Variants in MMP19 observed in about 807,000 individuals in gnomAD.
MMP19 encodes matrix metalloproteinase-19.
In MMP19, 47 loss-of-function variants were observed where a neutral mutation model predicts 46.6. The ratio of observed to expected loss-of-function variants is 1.01; its 90% CI spans 0.80 to 1.29. The LOEUF is 1.29. Among genes scored for constraint, MMP19 ranks in the 50% most tolerant of loss-of-function variants. The probability of loss-of-function intolerance (pLI) is 0.00; values close to 1 mark genes in which losing one functional copy is unlikely to be tolerated. For synonymous variants in MMP19, 222 were observed against 248.5 expected, an observed-to-expected ratio of 0.89 and a Z score of 1.00; for missense variants, 589 against 643.5, an observed-to-expected ratio of 0.92 and a Z score of 0.92.
chr12:55,837,653 T>C lies in MMP19; in HGVS notation c.1090A>G (p.Lys364Glu). 1 of 1,614,172 alleles carries C rather than the reference T, an allele frequency of 6.2e-7. No homozygotes were observed. Among genetic ancestry groups the C allele is most frequent in the Non-Finnish European group, 8.5e-7 (1 of 1,180,044 alleles). Reference sequence around the variant, plus strand: ...TTCTTGGGGAAGCCAGGAGACATCTTGAAATTAATGTAGCGCCACACCTTG... The same window carrying C: ...TTCTTGGGGAAGCCAGGAGACATCTCGAAATTAATGTAGCGCCACACCTTG... ...GDKVWRYINFKMSPGFPKKLN... is the reference protein window; with the variant it reads ...GDKVWRYINFEMSPGFPKKLN... The change falls in exon 8 of 9, where the codon AAG becomes GAG. Residue 364 changes from lysine (K) to glutamate (E), a missense_variant. Coordinates refer to ENST00000322569, the MANE Select transcript of MMP19 (RefSeq NM_002429.6).
chr12:55,836,967 G>A lies in MMP19; in HGVS notation c.*69C>T, dbSNP rs1881260268. 2.2e-6 allele frequency: 3 copies of A among 1,378,516 alleles called. No homozygotes were observed. Among genetic ancestry groups the A allele is most frequent in the Non-Finnish European group, 2.0e-6 (2 of 1,013,026 alleles). 85.4% of individuals were successfully genotyped at this position (1,378,516 alleles called of 1,614,324 possible). A position where few individuals can be genotyped will look rare whatever the true frequency, so the allele number is the denominator to read the frequency against. On this transcript the variant is annotated 3_prime_UTR_variant, in exon 9 of 9. Transcript: ENST00000322569. Reference sequence around the variant, plus strand: ...AGCTATTAGGCCTTAGGCTTCTGGGGGGGAAATGAAAGGGTGGGTGGTGGA... The same window carrying A: ...AGCTATTAGGCCTTAGGCTTCTGGGAGGGAAATGAAAGGGTGGGTGGTGGA...
chr12:55,841,540 T>TTCCA (rs1881700608), intron 2 of MMP19: 1 of 261,798 alleles, frequency 3.8e-6, no homozygotes, highest in East Asian at 7.4e-5. Flanking sequence ...CCTTCCTTCC[T>TTCCA]TCCTTCCTTC....
Position 55,837,836 on chromosome 12 carries a change from TC to T in MMP19, c.1060+6del, listed in dbSNP as rs745479583. On this transcript the variant is annotated splice_donor_region_variant and intron_variant, in intron 7 of 8. Coordinates refer to ENST00000322569, the MANE Select transcript of MMP19 (RefSeq NM_002429.6). The stretch of plus-strand genomic sequence containing the variant: ...CTCAAGTAAGACACTGTAACTAGCC[TC>T]CTTACCCTTAAAGAAGTGAATCCAT... The T allele has an allele frequency of 4.6e-5, 74 of 1,600,408 alleles. No homozygotes were observed. The highest frequency in any genetic ancestry group is 4.5e-5 in the Non-Finnish European group (53 of 1,169,782).
intron 6 of MMP19, 120 bp downstream of exon 6, chr12:55,838,486 G>A (rs368279516): frequency 8.4e-5 from 135 of 1,603,468 alleles, no homozygotes; most frequent in Non-Finnish European, 1.1e-4. Flanking sequence ...GGTCATTAAT[G>A]CCTGGGGTCT....
rs1260064815 is a variant in MMP19, at chr12:55,841,240, A to T, written c.174-4T>A. ...TTCAGATGCTTCCTGAAAAGCTCTG[A>T]AGGAGGGAGAGGGATGGGTCTACCA... is the stretch of plus-strand genomic sequence containing the variant. On this transcript the variant is annotated splice_polypyrimidine_tract_variant and splice_region_variant and intron_variant, in intron 2 of 8. Coordinates refer to ENST00000322569, the MANE Select transcript of MMP19 (RefSeq NM_002429.6). 1 of 1,611,442 alleles carries T rather than the reference A, an allele frequency of 6.2e-7. No individual in the cohort carries two copies. The highest frequency in any genetic ancestry group is 1.7e-5 in the Admixed American group (1 of 60,004).
intron 7 of MMP19, 28 bp downstream of exon 7, chr12:55,837,815 A>G (rs779583775): frequency 1.3e-6 from 2 of 1,596,144 alleles, no homozygotes; most frequent in Admixed American, 3.4e-5. Context: ...GCCCTCCTCA[A>G]GTAAGACACT....
rs1881331962 is a variant in MMP19 at position 55,837,581 on chromosome 12, G to C, written c.1162C>G (p.Leu388Val). The C allele has an allele frequency of 3.7e-6, 6 of 1,614,104 alleles. No individual in the cohort carries two copies. The highest frequency in any genetic ancestry group is 2.2e-5 in the South Asian group (2 of 91,090). ...PNLDAALYWP[L>V]NQKVFLFKGS... ...TTAAAGAGGAACACCTTTTGGTTGA[G>C]AGGCCAATAGAGAGCTGCATCCAGG... The change falls in exon 8 of 9, where the codon CTC (leucine) becomes GTC (valine). Residue 388 changes from leucine (L) to valine (V), a missense_variant. By Grantham distance (32) the Leu-to-Val change is conservative. Transcript: ENST00000322569.
In MMP19 at chr12:55,838,011, A is replaced by G; in HGVS notation, c.896-4T>C. The G allele has an allele frequency of 6.4e-7, 1 of 1,567,792 alleles. No homozygotes were observed. Among genetic ancestry groups the G allele is most frequent in the Non-Finnish European group, 8.7e-7 (1 of 1,151,410 alleles). On this transcript the variant is annotated splice_region_variant and splice_polypyrimidine_tract_variant and intron_variant, in intron 6 of 8. Coordinates refer to ENST00000322569, the MANE Select transcript of MMP19 (RefSeq NM_002429.6). ...GCATAGGTCTTCCCACGGGGCCCTG[A>G]GCGTAATGGTGTGTCAACAAGTCAA...
At chr12:55,840,352 G>A (rs1474200540) in intron 4 of MMP19, among the ~76,000 whole-genome samples, 2 of 127,376 alleles carry the variant, frequency 1.6e-5, no homozygotes, top group Non-Finnish European at 3.3e-5. Flanking sequence ...GGGAGGGAGG[G>A]AGGGAGAGAA....
intron 2 of MMP19, 88 bp from the exon 3 acceptor site, chr12:55,841,324 G>A: frequency 2.0e-6 from 3 of 1,471,410 alleles, no homozygotes; most frequent in Middle Eastern, 1.8e-4. Context: ...TGCTGCCCAA[G>A]TTCATGGCCA....
chr12:55,839,265 A>C (rs1311850544), intron 5 of MMP19, among the ~76,000 whole-genome samples: 1 of 150,684 alleles, frequency 6.6e-6, no homozygotes, highest in Non-Finnish European at 1.5e-5. Flanking sequence ...AAAAAAAAGA[A>C]GGTGCATTCT....
chr12:55,838,796 C>A lies in MMP19; in HGVS notation c.767-62G>T. 3 of 1,417,430 alleles carry A rather than the reference C, an allele frequency of 2.1e-6. No homozygotes were observed. The South Asian group carries it at 4.1e-5, about 19-fold the overall frequency. 87.8% of individuals were successfully genotyped at this position (1,417,430 alleles called of 1,614,324 possible). On this transcript the variant is annotated intron_variant, in intron 5 of 8. Coordinates refer to ENST00000322569, the MANE Select transcript of MMP19 (RefSeq NM_002429.6). ...CACAGCACCTGTCCTCCACACCAGT[C>A]TCCTGTAAGTTTTGCTCAGAGTCCC...
rs575803891 is a variant in MMP19 at position 55,837,049 on chromosome 12, G to A, written c.1514C>T (p.Thr505Met). 9.6e-6 allele frequency: 15 copies of A among 1,569,104 alleles called. No homozygotes were observed. Among genetic ancestry groups the A allele is most frequent in the African/African-American group, 9.4e-5 (7 of 74,214 alleles). ...LDTTLSATETTFEY is the reference protein window; with the variant it reads ...LDTTLSATETMFEY ...GTGGGTGAGCAGTCAGTATTCAAAC[G>A]TGGTTTCTGTGGCTGAGAGAGTGGT... Residue 505 changes from threonine (T) to methionine (M), a missense_variant, in exon 9 of 9, where the codon ACG becomes ATG. Physicochemically the swap from Thr to Met is moderately conservative, Grantham distance 81. Transcript: ENST00000322569.
chr12:55,837,096 T>A lies in MMP19; in HGVS notation c.1467A>T (p.Ser489=). 6.2e-7 allele frequency: 1 copy of A among 1,610,552 alleles called. No individual in the cohort carries two copies. Among genetic ancestry groups the A allele is most frequent in the East Asian group, 2.2e-5 (1 of 44,824 alleles). Residue 489 remains serine, a synonymous_variant, in exon 9 of 9, where the codon TCA becomes TCT. Transcript: ENST00000322569. ...TGGTATCCAAGGTTATGCCCGTACC[T>A]GAGGGAGTGGTATTCCCACCTGATG... ...TTPSGGNTTP[S]GTGITLDTTL... is the part of the protein sequence containing the mutation.
intron 8 of MMP19, 43 bp from the exon 9 acceptor site, chr12:55,837,417 G>A: frequency 6.3e-7 from 1 of 1,578,060 alleles, no homozygotes; most frequent in Non-Finnish European, 8.6e-7. Context: ...GAAGAGGAGA[G>A]AGCTTAGGAC....
chr12:55,837,759 C>T, intron 7 of MMP19, 77 bp from the exon 8 acceptor site: 1 of 1,601,624 alleles, frequency 6.2e-7, no homozygotes, highest in South Asian at 1.1e-5. Flanking sequence ...TCCACCTATT[C>T]AGAAACTTCT....
intron 4 of MMP19, among the ~76,000 whole-genome samples, chr12:55,840,448 A>G (rs2136235371): frequency 7.5e-6 from 1 of 132,708 alleles, no homozygotes; most frequent in East Asian, 2.4e-4. Context: ...GGAAGGAGAG[A>G]GAAGGAGAGA....
intron 2 of MMP19, among the ~76,000 whole-genome samples, chr12:55,841,694 C>T (rs1355337445): frequency 2.0e-5 from 3 of 152,156 alleles, no homozygotes; most frequent in African/African-American, 7.2e-5. Flanking sequence ...GCTGGGATTA[C>T]AGGCGTGAGC....
intron 5 of MMP19, 99 bp from the exon 6 acceptor site, chr12:55,838,833 G>T (rs761346983): frequency 2.4e-5 from 23 of 961,056 alleles, no homozygotes; most frequent in Admixed American, 4.9e-5. Context: ...ATACAGAGGG[G>T]AAAAGGGAAT....
Sources: gnomAD v4.1 joint callset for allele counts (sites outside exome capture counted in the v4.1 genomes callset) on GRCh38, gnomAD v4.1.1 for gene constraint, MANE v1.5 for transcripts, NCBI Gene and HGNC (gene_info 2026-07-23, HGNC 2026-07-21) for gene names.